The following CNOT4 variants were observed in gnomAD, a reference collection of about 807,000 sequenced individuals.
CNOT4 encodes the protein CCR4-associated factor 4.
Under a neutral mutation model 73.8 loss-of-function variants are expected in CNOT4, and 8 were observed. The observed-to-expected ratio is 0.11, with a 90% CI of 0.06 to 0.20. The LOEUF (loss-of-function observed/expected upper bound fraction) is 0.20, where lower values mean the gene tolerates loss of function less well. Among genes scored for constraint, CNOT4 ranks in the 10% least tolerant of loss-of-function variants. The pLI, the probability that CNOT4 is intolerant of heterozygous loss-of-function variation, is 1.00. For synonymous variants in CNOT4, 293 were observed against 321.1 expected (o/e 0.91, Z 0.94); for missense variants, 564 against 883.4 (o/e 0.64, Z 4.58).
rs111571576 is a variant in CNOT4 at position 135,375,626 on chromosome 7, T to A, written c.1628-11560A>T. Among the ~76,000 whole-genome samples the A allele has an allele frequency of 2.8e-4, 43 of 152,254 alleles. 1 individual carries two copies. The highest frequency in any genetic ancestry group is 9.9e-4 in the African/African-American group (41 of 41,550). ...GGTAAGAAAAATGTGTTAGTTTTTT[T>A]AAAAGGCGTGTGTTAGGGCTGGGCG... On this transcript the variant is annotated intron_variant, in intron 10 of 11. Transcript: ENST00000541284.
chr7:135,382,337 G>A (rs1475188001), intron 10 of CNOT4, among the ~76,000 whole-genome samples: 3 of 152,102 alleles, frequency 2.0e-5, no homozygotes, highest in African/African-American at 4.8e-5. Flanking sequence ...TAGGTGGCTC[G>A]ATTACAACTC....
chr7:135,509,097 T>C lies in CNOT4; in HGVS notation c.-93+792A>G, dbSNP rs188542595. 573 of 152,318 alleles carry C rather than the reference T, an allele frequency of 3.8e-3. 2 individuals are homozygous for C. The highest frequency in any genetic ancestry group is 0.013 in the African/African-American group (550 of 41,554). The allele number at this position is 152,318 out of a possible 1,614,324, so 9.4% of individuals were successfully genotyped here. Reference sequence around the variant, plus strand: ...TCACTTCATTCACTTCCCAACTTCCTTTTACTTTTCAAGGGCCACCACGGG... The same window carrying C: ...TCACTTCATTCACTTCCCAACTTCCCTTTACTTTTCAAGGGCCACCACGGG... On this transcript the variant is annotated intron_variant, in intron 1 of 11. Coordinates refer to ENST00000541284, the MANE Select transcript of CNOT4 (RefSeq NM_001190850.2).
intron 3 of CNOT4, among the ~76,000 whole-genome samples, chr7:135,419,908 C>T (rs1798084555): frequency 1.3e-5 from 2 of 151,260 alleles, no homozygotes; most frequent in South Asian, 4.2e-4. Context: ...AAAAAATTAG[C>T]TGGGCATGGT....
intron 10 of CNOT4, among the ~76,000 whole-genome samples, chr7:135,376,700 T>A (rs1410964077): frequency 6.6e-6 from 1 of 152,218 alleles, no homozygotes; most frequent in Admixed American, 6.5e-5. Context: ...CACAGCACAC[T>A]TTATTTCAAT....
At chr7:135,463,741 C>A (rs1030466807) in intron 1 of CNOT4, among the ~76,000 whole-genome samples, 10 of 151,792 alleles carry the variant, frequency 6.6e-5, no homozygotes, top group Non-Finnish European at 1.5e-4. Flanking sequence ...ACAGAATAAA[C>A]AGACAACCTA....
intron 1 of CNOT4, among the ~76,000 whole-genome samples, chr7:135,469,170 G>C (rs1469900706): frequency 6.6e-6 from 1 of 151,838 alleles, no homozygotes; most frequent in African/African-American, 2.4e-5. Flanking sequence ...AAGAACATTT[G>C]TTTATTCAAC....
At chr7:135,412,566 G>A (rs190893102) in intron 6 of CNOT4, among the ~76,000 whole-genome samples, 23 of 151,902 alleles carry the variant, frequency 1.5e-4, no homozygotes, top group Admixed American at 1.2e-3. Flanking sequence ...GAATCATAAA[G>A]ACCATACTAT....
chr7:135,368,172 C>T (rs998099483), intron 10 of CNOT4, among the ~76,000 whole-genome samples: 1 of 152,036 alleles, frequency 6.6e-6, no homozygotes, highest in African/African-American at 2.4e-5. Context: ...TATCAGTATA[C>T]TTCATTTACC....
chr7:135,444,144 AAATAATAATAATAAT>A (rs140965410), intron 1 of CNOT4, among the ~76,000 whole-genome samples: 4 of 149,534 alleles, frequency 2.7e-5, no homozygotes, highest in Admixed American at 1.3e-4. Flanking sequence ...CTGTTTCAAA[AAATAATAATAATAAT>A]AATAATAATA....
At chr7:135,495,669 CAAAAAAAAAA>C (rs1198174318) in intron 1 of CNOT4, among the ~76,000 whole-genome samples, 1 of 31,876 alleles carries the variant, frequency 3.1e-5, no homozygotes, top group Non-Finnish European at 5.5e-5. Context: ...GACCCTGTGT[CAAAAAAAAAA>C]AAAAAAAAAA....
intron 1 of CNOT4, among the ~76,000 whole-genome samples, chr7:135,471,947 C>A (rs935068966): frequency 1.3e-5 from 2 of 151,884 alleles, no homozygotes; most frequent in African/African-American, 4.8e-5. Context: ...CCAAGGCAGG[C>A]GGATCACTTG....
intron 1 of CNOT4, among the ~76,000 whole-genome samples, chr7:135,446,838 T>C (rs1164831603): frequency 6.7e-6 from 1 of 150,208 alleles, no homozygotes; most frequent in African/African-American, 2.4e-5. Flanking sequence ...TGAAAAAGAT[T>C]AAAAAAAGAA....
rs748956003 is a variant in CNOT4, at chr7:135,398,193, T to A, written c.855A>T (p.Ile285=). 2 of 1,554,956 alleles carry A rather than the reference T, an allele frequency of 1.3e-6. No homozygotes were observed. Among genetic ancestry groups the A allele is most frequent in the Non-Finnish European group, 1.8e-6 (2 of 1,127,046 alleles). The change falls in exon 8 of 12, where the codon ATA becomes ATT. Residue 285 remains isoleucine, a synonymous_variant. Coordinates refer to ENST00000541284, the MANE Select transcript of CNOT4 (RefSeq NM_001190850.2). ...CCTGCTGGGAATTATCACCGTTCCC[T>A]ATACTGAGAGAATCTGAAGGTTTGT... ...PIDKPSDSLS[I]GNGDNSQQIS...
In CNOT4 at chr7:135,480,100, T is replaced by G. The variant is rs570701325; in HGVS notation, c.-93+29789A>C. Reference sequence around the variant, plus strand: ...TATTTTAGGATTTTGAAATTATGAGTTTTTCTAAATTCCTTTTTCAAGATT... The same window carrying G: ...TATTTTAGGATTTTGAAATTATGAGGTTTTCTAAATTCCTTTTTCAAGATT... On this transcript the variant is annotated intron_variant, in intron 1 of 11. Coordinates refer to ENST00000541284, the MANE Select transcript of CNOT4 (RefSeq NM_001190850.2). Among the ~76,000 whole-genome samples the G allele has an allele frequency of 1.2e-4, 18 of 152,194 alleles. No individual in the cohort carries two copies. The South Asian group carries it at 3.5e-3, about 30-fold the overall frequency.
chr7:135,498,537 T>C lies in CNOT4; in HGVS notation c.-93+11352A>G, dbSNP rs1261621656. On this transcript the variant is annotated intron_variant, in intron 1 of 11. Coordinates refer to ENST00000541284, the MANE Select transcript of CNOT4 (RefSeq NM_001190850.2). ...TCAAAATAGATTTGAATACAATCTT[T>C]AAGGTTTTTATGTTTGTTTGTTTGT... Among the ~76,000 whole-genome samples the C allele has an allele frequency of 2.6e-5, 4 of 152,276 alleles. No individual in the cohort carries two copies. In the East Asian group the frequency reaches 5.8e-4, roughly 22 times the overall value.
At position 135,454,923 on chromosome 7, in the gene CNOT4, G is replaced by A. The variant is rs112957877; in HGVS notation, c.-92-16500C>T. Reference sequence around the variant, plus strand: ...GAACAAAACAAAACATTCTGTAAACGTAAAGGACCAAATATACACAACACT... The same window carrying A: ...GAACAAAACAAAACATTCTGTAAACATAAAGGACCAAATATACACAACACT... On this transcript the variant is annotated intron_variant, in intron 1 of 11. Transcript: ENST00000541284. Among the ~76,000 whole-genome samples, 6 of 152,148 alleles carry A rather than the reference G, an allele frequency of 3.9e-5. 1 individual carries two copies. Among genetic ancestry groups the A allele is most frequent in the African/African-American group, 9.6e-5 (4 of 41,518 alleles).
intron 10 of CNOT4, among the ~76,000 whole-genome samples, chr7:135,390,707 T>C (rs566870717): frequency 1.3e-4 from 20 of 152,272 alleles, no homozygotes; most frequent in African/African-American, 4.8e-4. Context: ...TCTTTAATAA[T>C]TCACTGAACA....
chr7:135,479,274 T>C (rs1802207607), intron 1 of CNOT4, among the ~76,000 whole-genome samples: 1 of 141,616 alleles, frequency 7.1e-6, no homozygotes, highest in Admixed American at 7.4e-5. Context: ...AGTAGTGTGA[T>C]CTCGGCTCAC....
At chr7:135,467,535 A>AC (rs1801298238) in intron 1 of CNOT4, among the ~76,000 whole-genome samples, 2 of 152,010 alleles carry the variant, frequency 1.3e-5, no homozygotes, top group Non-Finnish European at 2.9e-5. Flanking sequence ...ATATAGCAAG[A>AC]CCCCATATCC....
Sources: allele counts gnomAD v4.1 joint callset (sites outside exome capture counted in the v4.1 genomes callset), GRCh38; gene constraint gnomAD v4.1.1; transcripts MANE v1.5; gene names NCBI Gene and HGNC (gene_info 2026-07-23, HGNC 2026-07-21).